MCTP2: variants seen among roughly 807,000 people sequenced by gnomAD.
MCTP2 encodes the protein multiple C2 and transmembrane domain-containing protein 2.
MCTP2 carries 132 observed loss-of-function variants against 111.6 expected under a neutral mutation model. That is an observed-to-expected ratio of 1.18 (90% CI 1.03 to 1.37). MCTP2 has a LOEUF of 1.37. Ranked by LOEUF, MCTP2 falls within the 40% of genes most tolerant of loss-of-function variation. MCTP2 has a pLI of 0.00. For synonymous variants in MCTP2, 395 were observed against 387.7 expected, an observed-to-expected ratio of 1.02 and a Z score of -0.22; for missense variants, 1,183 against 1,067.9, an observed-to-expected ratio of 1.11 and a Z score of -1.50.
chr15:94,453,642 G>T (rs72751347), intron 19 of MCTP2, among the ~76,000 whole-genome samples: 7,877 of 152,276 alleles, frequency 0.052, 320 homozygotes, highest in Non-Finnish European at 0.083. Context: ...GTGAGTAAAT[G>T]TGCACTTATC....
At chr15:94,297,086 C>G (rs1204682872) in intron 1 of MCTP2, among the ~76,000 whole-genome samples, 1 of 152,176 alleles carries the variant, frequency 6.6e-6, no homozygotes, top group East Asian at 1.9e-4. Context: ...CCTCTTTTGG[C>G]CTCAGCCAAA....
intron 1 of MCTP2, among the ~76,000 whole-genome samples, chr15:94,264,905 AG>A (rs1258136479): frequency 1.3e-5 from 2 of 152,186 alleles, no homozygotes; most frequent in African/African-American, 4.8e-5. Context: ...TTTGGTCCTG[AG>A]TTCTGACCAG....
At chr15:94,329,023 A>C (rs1363586561) in intron 4 of MCTP2, among the ~76,000 whole-genome samples, 4 of 152,200 alleles carry the variant, frequency 2.6e-5, no homozygotes, top group East Asian at 1.9e-4. Context: ...GTGGAAGCTC[A>C]GGGCTCCAGG....
chr15:94,358,478 C>G lies in MCTP2; in HGVS notation c.1171-4C>G, dbSNP rs776905067. 5.6e-6 allele frequency: 9 copies of G among 1,610,660 alleles called. No individual in the cohort carries two copies. The highest frequency in any genetic ancestry group is 3.4e-5 in the Admixed American group (2 of 59,306). On this transcript the variant is annotated splice_polypyrimidine_tract_variant and splice_region_variant and intron_variant, in intron 9 of 22. Transcript: ENST00000357742. ...AATAAATATTATAACTGCATGTTTT[C>G]TAGACACTGTGTAAGAGTGCAAATC...
chr15:94,245,398 GTGTGTATATATTTATATA>G lies in MCTP2; in HGVS notation c.-66+13735_-66+13752del, dbSNP rs1567265068. Among the ~76,000 whole-genome samples, 12 of 50,936 alleles carry G rather than the reference GTGTGTATATATTTATATA, an allele frequency of 2.4e-4. No homozygotes were observed. The East Asian group carries it at 3.3e-3, about 14-fold the overall frequency. 33.4% of individuals were successfully genotyped at this position (50,936 alleles called of 152,430 possible). On this transcript the variant is annotated intron_variant, in intron 1 of 22. Coordinates refer to ENST00000357742, the MANE Select transcript of MCTP2 (RefSeq NM_001385001.1). ...CATATGTATATGTATTTATATACAT[GTGTGTATATATTTATATA>G]CATGTGTGTATATATTTATATATAC...
At chr15:94,247,957 C>T (rs2072137889) in intron 1 of MCTP2, among the ~76,000 whole-genome samples, 1 of 152,088 alleles carries the variant, frequency 6.6e-6, no homozygotes, top group South Asian at 2.1e-4. Flanking sequence ...AGTCTCTTCC[C>T]CTCAGGGCAC....
intron 2 of MCTP2, among the ~76,000 whole-genome samples, chr15:94,313,674 C>T (rs1425351337): frequency 2.0e-5 from 3 of 151,914 alleles, no homozygotes; most frequent in African/African-American, 7.3e-5. Context: ...GCACTCCAGC[C>T]TGGGCGACAG....
At chr15:94,447,642 T>C (rs1057451723) in intron 19 of MCTP2, among the ~76,000 whole-genome samples, 5 of 136,460 alleles carry the variant, frequency 3.7e-5, no homozygotes, top group African/African-American at 1.2e-4. Flanking sequence ...CTCCCAAAGT[T>C]CTGGGATTAC....
At chr15:94,271,693 T>A (rs1567308517) in intron 1 of MCTP2, among the ~76,000 whole-genome samples, 1 of 152,224 alleles carries the variant, frequency 6.6e-6, no homozygotes, top group Non-Finnish European at 1.5e-5. Flanking sequence ...TTTTCTTTCT[T>A]GCTCTTTGGT....
intron 4 of MCTP2, among the ~76,000 whole-genome samples, chr15:94,329,269 C>T (rs994532948): frequency 1.3e-5 from 2 of 152,150 alleles, no homozygotes; most frequent in Non-Finnish European, 2.9e-5. Context: ...AACTTTCTAA[C>T]TTTCCTCATC....
intron 10 of MCTP2, among the ~76,000 whole-genome samples, chr15:94,361,047 T>C (rs1277725621): frequency 6.7e-6 from 1 of 149,280 alleles, no homozygotes; most frequent in African/African-American, 2.5e-5. Flanking sequence ...ATGCTACTTA[T>C]GGTTCCTTCT....
chr15:94,420,503 A>G (rs964435672), intron 17 of MCTP2, among the ~76,000 whole-genome samples: 2 of 152,158 alleles, frequency 1.3e-5, no homozygotes, highest in Non-Finnish European at 1.5e-5. Context: ...TTTGTGATTC[A>G]TGGGAGGAGG....
rs536763175 is a variant in MCTP2, at chr15:94,315,402, A to T, written c.529-127A>T. ...TAACCAAGTTGTCATAGTGAGGAGG[A>T]GTTGGGGATGACAGTCGATCATCAT... On this transcript the variant is annotated intron_variant, in intron 3 of 22. Transcript: ENST00000357742. The T allele has an allele frequency of 7.1e-5, 45 of 630,870 alleles. 1 individual carries two copies. The South Asian group carries it at 9.1e-4, about 13-fold the overall frequency. The allele number at this position is 630,870 out of a possible 1,614,324, so 39.1% of individuals were successfully genotyped here.
chr15:94,408,428 CAT>C (rs1411673093), intron 17 of MCTP2, among the ~76,000 whole-genome samples: 1 of 152,142 alleles, frequency 6.6e-6, no homozygotes, highest in Admixed American at 6.6e-5. Flanking sequence ...ATGGTTTTAA[CAT>C]ATATAAGATA....
intron 12 of MCTP2, among the ~76,000 whole-genome samples, chr15:94,379,577 T>C (rs1197673317): frequency 4.0e-5 from 6 of 151,520 alleles, no homozygotes; most frequent in Non-Finnish European, 8.8e-5. Context: ...CCTGGATGAG[T>C]AGAATGAAAT....
chr15:94,277,566 C>T (rs2074276872), intron 1 of MCTP2, among the ~76,000 whole-genome samples: 1 of 152,090 alleles, frequency 6.6e-6, no homozygotes, highest in Non-Finnish European at 1.5e-5. Context: ...GTAAGTTAGT[C>T]TGAAAAGGCT....
chr15:94,361,352 A>G (rs766019018), intron 10 of MCTP2, among the ~76,000 whole-genome samples: 1 of 152,110 alleles, frequency 6.6e-6, no homozygotes, highest in Non-Finnish European at 1.5e-5. Flanking sequence ...GAAGCTGTGT[A>G]GGCAGTTCAG....
chr15:94,466,710 TAG>T (rs1211624794), intron 20 of MCTP2, among the ~76,000 whole-genome samples: 1 of 152,118 alleles, frequency 6.6e-6, no homozygotes, highest in Admixed American at 6.6e-5. Flanking sequence ...CAGAAAATAT[TAG>T]AGTGAAAATT....
intron 16 of MCTP2, among the ~76,000 whole-genome samples, chr15:94,401,221 A>G (rs1024880500): frequency 3.3e-5 from 5 of 152,126 alleles, no homozygotes; most frequent in African/African-American, 1.2e-4. Context: ...AGTCCCCCCA[A>G]ATTTTGATAA....
Sources: gnomAD v4.1 joint callset for allele counts (sites outside exome capture counted in the v4.1 genomes callset) on GRCh38, gnomAD v4.1.1 for gene constraint, MANE v1.5 for transcripts, NCBI Gene and HGNC (gene_info 2026-07-23, HGNC 2026-07-21) for gene names.